Variants in ZNRF1 observed in about 807,000 individuals in gnomAD.
ZNRF1 encodes E3 ubiquitin-protein ligase ZNRF1.
Under a neutral mutation model 18.4 loss-of-function variants are expected in ZNRF1, and 3 were observed. The observed-to-expected ratio is 0.16, with a 90% confidence interval of 0.07 to 0.42. The LOEUF (loss-of-function observed/expected upper bound fraction) is 0.42, where lower values mean the gene tolerates loss of function less well. Ranked by LOEUF, ZNRF1 falls within the 10% of genes least tolerant of loss-of-function variation. The probability of loss-of-function intolerance (pLI) is 0.99; values close to 1 mark genes in which losing one functional copy is unlikely to be tolerated. For missense variants in ZNRF1, 310 were observed against 329.8 expected, an observed-to-expected ratio of 0.94 and a Z score of 0.47; for synonymous variants, 157 against 144.2, an observed-to-expected ratio of 1.09 and a Z score of -0.64.
chr16:75,082,381 G>A (rs1377797229), intron 1 of ZNRF1, among the ~76,000 whole-genome samples: 3 of 152,210 alleles, frequency 2.0e-5, no homozygotes, highest in Non-Finnish European at 2.9e-5. Flanking sequence ...TTCTTCATGT[G>A]GCTGGAATAC....
chr16:75,053,940 C>G (rs1468219568), intron 1 of ZNRF1, among the ~76,000 whole-genome samples: 2 of 152,166 alleles, frequency 1.3e-5, no homozygotes, highest in African/African-American at 4.8e-5. Context: ...TTACATATTC[C>G]CTTTGGTGAT....
At chr16:75,003,430 T>G (rs2034878755) in intron 1 of ZNRF1, among the ~76,000 whole-genome samples, 1 of 152,174 alleles carries the variant, frequency 6.6e-6, no homozygotes, top group Non-Finnish European at 1.5e-5. Context: ...TGAATTTGAG[T>G]ACTTTATGTT....
intron 1 of ZNRF1, among the ~76,000 whole-genome samples, chr16:75,043,853 G>A (rs546633650): frequency 6.7e-6 from 1 of 149,040 alleles, no homozygotes; most frequent in South Asian, 2.1e-4. Context: ...GTAATGATGC[G>A]ATCTCTGCTC....
intron 1 of ZNRF1, among the ~76,000 whole-genome samples, chr16:75,003,786 C>T (rs528074369): frequency 6.6e-6 from 1 of 152,274 alleles, no homozygotes; most frequent in Non-Finnish European, 1.5e-5. Flanking sequence ...TAACCTCAGT[C>T]ACAATTTATT....
At position 75,106,486 on chromosome 16, in the gene ZNRF1, A is replaced by G. The variant is rs1056973119; in HGVS notation, c.631A>G (p.Ile211Val). 6.8e-6 allele frequency: 11 copies of G among 1,614,024 alleles called. No homozygotes were observed. Among genetic ancestry groups the G allele is most frequent in the African/African-American group, 2.7e-5 (2 of 74,922 alleles). ...PCLCIYHKSC[I>V]DSWFEVNRSC... ...CTTGCGGCCCCCTCCTCCCAGCTGC[A>G]TAGACTCGTGGTTTGAAGTGAACAG... is the stretch of plus-strand genomic sequence containing the variant. The change falls in exon 4 of 5, where the codon ATA becomes GTA. Residue 211 changes from isoleucine to valine, a missense_variant. By Grantham distance (29) the Ile-to-Val change is conservative (BLOSUM62 3). Transcript: ENST00000335325.
chr16:75,016,384 A>C (rs1286499547), intron 1 of ZNRF1, among the ~76,000 whole-genome samples: 1 of 144,746 alleles, frequency 6.9e-6, no homozygotes, highest in Non-Finnish European at 1.5e-5. Flanking sequence ...GATTACAGGC[A>C]CACGCCACCA....
At position 75,069,251 on chromosome 16, in the gene ZNRF1, G is replaced by A. The variant is rs959520190; in HGVS notation, c.425-24321G>A. ...GTATGGGAACATCATTTGTTTGGCA[G>A]GGGGGTTATTTTTTCCTCTTACCCT... On this transcript the variant is annotated intron_variant, in intron 1 of 4. Coordinates refer to ENST00000335325, the MANE Select transcript of ZNRF1 (RefSeq NM_032268.5). Among the ~76,000 whole-genome samples, 4 of 152,078 alleles carry A rather than the reference G, an allele frequency of 2.6e-5. No homozygotes were observed. In the East Asian group the frequency reaches 7.7e-4, roughly 29 times the overall value.
chr16:75,068,644 A>G (rs967929918), intron 1 of ZNRF1, among the ~76,000 whole-genome samples: 3 of 152,014 alleles, frequency 2.0e-5, no homozygotes, highest in Non-Finnish European at 4.4e-5. Context: ...GGTGTGTGTG[A>G]GGGCCTCCGA....
At chr16:75,030,109 A>G (rs2035282787) in intron 1 of ZNRF1, among the ~76,000 whole-genome samples, 1 of 151,870 alleles carries the variant, frequency 6.6e-6, no homozygotes, top group Non-Finnish European at 1.5e-5. Flanking sequence ...TTCACATACC[A>G]TACAATTCAC....
intron 3 of ZNRF1, 68 bp from the exon 4 acceptor site, chr16:75,106,414 G>T (rs1267821364): frequency 1.8e-5 from 29 of 1,576,720 alleles, no homozygotes; most frequent in Non-Finnish European, 2.3e-5. Flanking sequence ...CTGGCCCTCT[G>T]AAAGAGCCCC....
At chr16:75,094,307 C>CCGAA (rs2036174552) in intron 2 of ZNRF1, among the ~76,000 whole-genome samples, 1 of 152,142 alleles carries the variant, frequency 6.6e-6, no homozygotes, top group Admixed American at 6.5e-5. Flanking sequence ...TGCCTCAGAG[C>CCGAA]CGAACAGTGA....
chr16:75,023,958 C>G (rs1007529465), intron 1 of ZNRF1, among the ~76,000 whole-genome samples: 1 of 149,080 alleles, frequency 6.7e-6, no homozygotes, highest in Non-Finnish European at 1.5e-5. Flanking sequence ...GCAATCTCCA[C>G]CTCCTGGGTT....
rs1021362356 is a variant in ZNRF1 at position 75,087,935 on chromosome 16, C to T, written c.425-5637C>T. On this transcript the variant is annotated intron_variant, in intron 1 of 4. Coordinates refer to ENST00000335325, the MANE Select transcript of ZNRF1 (RefSeq NM_032268.5). Reference sequence around the variant, plus strand: ...CAGGGTGTGCCGCTCAGAGCCTGCTCTCAGAGGCTTAGGGAGTGTCCTGTA... The same window carrying T: ...CAGGGTGTGCCGCTCAGAGCCTGCTTTCAGAGGCTTAGGGAGTGTCCTGTA... 3.9e-5 allele frequency among the ~76,000 whole-genome samples: 6 copies of T among 152,248 alleles called. No homozygotes were observed. In the East Asian group the frequency reaches 1.2e-3, roughly 29 times the overall value.
chr16:75,020,348 G>C (rs2035128112), intron 1 of ZNRF1, among the ~76,000 whole-genome samples: 1 of 151,766 alleles, frequency 6.6e-6, no homozygotes. Flanking sequence ...AGCCTATTTT[G>C]AGACTGTCTT....
intron 1 of ZNRF1, among the ~76,000 whole-genome samples, chr16:75,015,519 G>A (rs918471014): frequency 6.6e-6 from 1 of 152,210 alleles, no homozygotes; most frequent in African/African-American, 2.4e-5. Context: ...AGGTCGTGGT[G>A]AGCCGAGATT....
intron 1 of ZNRF1, among the ~76,000 whole-genome samples, chr16:75,072,957 T>C (rs545037801): frequency 1.3e-5 from 2 of 152,256 alleles, no homozygotes; most frequent in South Asian, 4.1e-4. Context: ...TTCATCACAC[T>C]CAACCGGTTA....
At chr16:75,010,371 G>A (rs2034979020) in intron 1 of ZNRF1, among the ~76,000 whole-genome samples, 1 of 152,166 alleles carries the variant, frequency 6.6e-6, no homozygotes, top group South Asian at 2.1e-4. Flanking sequence ...ACTAGTGACT[G>A]TAATGTATTC....
chr16:75,087,354 G>A (rs1220189756), intron 1 of ZNRF1, among the ~76,000 whole-genome samples: 1 of 152,222 alleles, frequency 6.6e-6, no homozygotes, highest in Non-Finnish European at 1.5e-5. Context: ...GGCAAGTGCA[G>A]ACTTGCCTTC....
chr16:75,053,188 G>T (rs577582055), intron 1 of ZNRF1, among the ~76,000 whole-genome samples: 5 of 152,206 alleles, frequency 3.3e-5, no homozygotes, highest in Non-Finnish European at 7.3e-5. Context: ...TGGGTGGCTA[G>T]AACCTTAAAG....
Sources: gnomAD v4.1 joint callset for allele counts (sites outside exome capture counted in the v4.1 genomes callset) on GRCh38, gnomAD v4.1.1 for gene constraint, MANE v1.5 for transcripts, NCBI Gene and HGNC (gene_info 2026-07-23, HGNC 2026-07-21) for gene names.